Variants in CASR observed in about 807,000 individuals in gnomAD.
CASR encodes the protein calcium sensing receptor.
In CASR, 23 loss-of-function variants were observed where a neutral mutation model predicts 69.1. The ratio of observed to expected loss-of-function variants is 0.33; its 90% confidence interval spans 0.24 to 0.47. The LOEUF (loss-of-function observed/expected upper bound fraction) is 0.47. CASR is among the 20% of genes least tolerant of loss of function. The pLI is 1.00. For missense variants in CASR, 924 were observed against 1,356.1 expected, an observed-to-expected ratio of 0.68 and a Z score of 5.00; for synonymous variants, 541 against 544.7, an observed-to-expected ratio of 0.99 and a Z score of 0.10.
intron 1 of CASR, among the ~76,000 whole-genome samples, chr3:122,237,097 C>T (rs905871867): frequency 6.9e-6 from 1 of 145,534 alleles, no homozygotes; most frequent in African/African-American, 2.5e-5. Context: ...CTAATTGTAG[C>T]TAACAGTACT....
In CASR at chr3:122,288,426, A is replaced by T. The variant is rs1338653493; in HGVS notation, c.*3235A>T. ...TGTGTTGTTTTAAGCCATGAAGTTT[A>T]TAGTAATTTGTTTCAGCAGCAACAG... On this transcript the variant is annotated 3_prime_UTR_variant, in exon 7 of 7. Coordinates refer to ENST00000639785, the MANE Select transcript of CASR (RefSeq NM_000388.4). 6.6e-6 allele frequency: 1 copy of T among 152,248 alleles called. No individual in the cohort carries two copies. The highest frequency in any genetic ancestry group is 1.5e-5 in the Non-Finnish European group (1 of 68,040). The allele number at this position is 152,248 out of a possible 1,614,324, so 9.4% of individuals were successfully genotyped here. A position where few individuals can be genotyped will look rare whatever the true frequency, so the allele number is the denominator to read the frequency against.
chr3:122,237,984 A>AG (rs1201657058), intron 1 of CASR, among the ~76,000 whole-genome samples: 1 of 152,240 alleles, frequency 6.6e-6, no homozygotes, highest in African/African-American at 2.4e-5. Context: ...CTTATAGCTG[A>AG]GGGTGGAGCA....
intron 1 of CASR, among the ~76,000 whole-genome samples, chr3:122,207,455 G>A (rs967003081): frequency 3.3e-5 from 5 of 152,046 alleles, no homozygotes; most frequent in Non-Finnish European, 7.4e-5. Flanking sequence ...TTAAAAAATA[G>A]AAATTATATC....
intron 1 of CASR, among the ~76,000 whole-genome samples, chr3:122,252,144 TAAAA>T (rs2074489858): frequency 6.6e-6 from 1 of 151,252 alleles, no homozygotes; most frequent in African/African-American, 2.4e-5. Flanking sequence ...AAAATACATT[TAAAA>T]TTAGCCAGGT....
chr3:122,226,153 T>C (rs993522056), intron 1 of CASR, among the ~76,000 whole-genome samples: 3 of 152,148 alleles, frequency 2.0e-5, no homozygotes, highest in African/African-American at 7.2e-5. Flanking sequence ...CCACGGACCC[T>C]CACGGTGAGT....
At chr3:122,210,708 C>A (rs2074056325) in intron 1 of CASR, among the ~76,000 whole-genome samples, 2 of 151,948 alleles carry the variant, frequency 1.3e-5, no homozygotes, top group Non-Finnish European at 2.9e-5. Flanking sequence ...AAACTATTGA[C>A]ATTCTTCACA....
At chr3:122,188,421 AAAG>A (rs1444576483) in intron 1 of CASR, among the ~76,000 whole-genome samples, 11 of 152,312 alleles carry the variant, frequency 7.2e-5, no homozygotes, top group Admixed American at 2.0e-4. Flanking sequence ...TTGGGATAGA[AAAG>A]AAGAAGTGAG....
At chr3:122,234,024 C>T (rs1011400110) in intron 1 of CASR, among the ~76,000 whole-genome samples, 8 of 152,232 alleles carry the variant, frequency 5.3e-5, no homozygotes, top group Admixed American at 3.9e-4. Context: ...AGGACCCTTA[C>T]TCCTCTGATT....
chr3:122,233,216 T>G (rs2074296447), intron 1 of CASR, among the ~76,000 whole-genome samples: 1 of 152,196 alleles, frequency 6.6e-6, no homozygotes, highest in South Asian at 2.1e-4. Flanking sequence ...ACCGCACTCC[T>G]GTAAGTCCTT....
Position 122,240,263 on chromosome 3 carries a change from C to T in CASR, c.-242-13685C>T, listed in dbSNP as rs552884646. On this transcript the variant is annotated intron_variant, in intron 1 of 6. Transcript: ENST00000639785. ...GTTTAAAGTGCTGAAGAAACAAGAC[C>T]CAATGATCTGTTGCCTATAAGAAAC... Among the ~76,000 whole-genome samples the T allele has an allele frequency of 1.2e-4, 19 of 152,198 alleles. 1 individual carries two copies. Among genetic ancestry groups the T allele is most frequent in the African/African-American group, 4.1e-4 (17 of 41,526 alleles).
Position 122,262,162 on chromosome 3 carries a change from G to T in CASR, c.1127G>T (p.Gly376Val), listed in dbSNP as rs2074634579. ...TTACCTGTGGACACCTTTCTGAGAG[G>T]TCACGAAGAAAGTGGCGACAGGTTT... ...GPLPVDTFLR[G>V]HEESGDRFSN... The change falls in exon 4 of 7, where the codon GGT becomes GTT. Residue 376 changes from glycine to valine, a missense_variant. Transcript: ENST00000639785. 6.2e-7 allele frequency: 1 copy of T among 1,614,186 alleles called. No individual in the cohort carries two copies. The highest frequency in any genetic ancestry group is 1.7e-5 in the Admixed American group (1 of 60,030).
At chr3:122,252,335 AGAAAGAAAG>A (rs1576850003) in intron 1 of CASR, among the ~76,000 whole-genome samples, 1 of 37,722 alleles carries the variant, frequency 2.7e-5, no homozygotes, top group East Asian at 4.7e-4. Flanking sequence ...AGAAAGAGAG[AGAAAGAAAG>A]AAGAAAGAAA....
intron 1 of CASR, among the ~76,000 whole-genome samples, chr3:122,242,547 T>C (rs1424763632): frequency 6.6e-6 from 1 of 152,050 alleles, no homozygotes; most frequent in African/African-American, 2.4e-5. Context: ...AAAGGAAATA[T>C]ATTCCATATT....
intron 1 of CASR, among the ~76,000 whole-genome samples, chr3:122,226,343 T>C (rs1055738332): frequency 1.3e-5 from 2 of 151,628 alleles, no homozygotes; most frequent in African/African-American, 4.9e-5. Flanking sequence ...TTCCTCCCGG[T>C]GGGTTCATGG....
chr3:122,218,362 C>T (rs1378396542), intron 1 of CASR, among the ~76,000 whole-genome samples: 10 of 151,932 alleles, frequency 6.6e-5, no homozygotes, highest in Non-Finnish European at 1.3e-4. Context: ...GGTGAAACCC[C>T]GCCTCTACTA....
chr3:122,237,550 GA>G (rs2074340053), intron 1 of CASR, among the ~76,000 whole-genome samples: 1 of 152,172 alleles, frequency 6.6e-6, no homozygotes, highest in African/African-American at 2.4e-5. Flanking sequence ...TCACGCAGTG[GA>G]ATATTATACC....
At chr3:122,229,038 A>G (rs994676920) in intron 1 of CASR, among the ~76,000 whole-genome samples, 2 of 152,208 alleles carry the variant, frequency 1.3e-5, no homozygotes, top group Non-Finnish European at 2.9e-5. Context: ...TTAGGGTTAC[A>G]ACAGTTGATT....
intron 1 of CASR, among the ~76,000 whole-genome samples, chr3:122,216,345 T>C (rs1057279741): frequency 2.6e-5 from 4 of 152,214 alleles, no homozygotes; most frequent in Non-Finnish European, 5.9e-5. Flanking sequence ...AGGGAAATCA[T>C]AGAAGGCAGG....
rs11341423 is a variant in CASR, at chr3:122,277,048, C to CTTTT, written c.1608+1021_1608+1024dup. Among the ~76,000 whole-genome samples, 29 of 129,482 alleles carry CTTTT rather than the reference C, an allele frequency of 2.2e-4. 1 individual carries two copies. The highest frequency in any genetic ancestry group is 3.7e-4 in the Non-Finnish European group (23 of 61,392). The allele number at this position is 129,482 out of a possible 152,430, so 84.9% of individuals were successfully genotyped here. A position where few individuals can be genotyped will look rare whatever the true frequency, so the allele number is the denominator to read the frequency against. On this transcript the variant is annotated intron_variant, in intron 5 of 6. Coordinates refer to ENST00000639785, the MANE Select transcript of CASR (RefSeq NM_000388.4). ...CCTTTGAGCATCTTGGACCACTTTT[C>CTTTT]TTTTTTTTTTTTTTTTTTGAGATGG...
Sources: gnomAD v4.1 joint callset for allele counts (sites outside exome capture counted in the v4.1 genomes callset) on GRCh38, gnomAD v4.1.1 for gene constraint, MANE v1.5 for transcripts, NCBI Gene and HGNC (gene_info 2026-07-23, HGNC 2026-07-21) for gene names.